DAG1: variants seen among roughly 807,000 people sequenced by gnomAD.
DAG1 encodes the protein dystroglycan 1 (dystrophin-associated glycoprotein 1).
In DAG1, 8 loss-of-function variants were observed where a neutral mutation model predicts 46.1. That is an observed-to-expected ratio of 0.17 (90% confidence interval 0.10 to 0.31). The LOEUF is 0.31. DAG1 is among the 10% of genes least tolerant of loss of function. DAG1 has a pLI of 1.00. For synonymous variants in DAG1, 495 were observed against 481.8 expected (o/e 1.03, Z -0.36); for missense variants, 1,003 against 1,189.9 (o/e 0.84, Z 2.31).
At chr3:49,484,691 A>G (rs570916765) in intron 1 of DAG1, among the ~76,000 whole-genome samples, 2 of 152,186 alleles carry the variant, frequency 1.3e-5, no homozygotes, top group Non-Finnish European at 2.9e-5. Context: ...GGCTGTACCC[A>G]AAGGCACAGT....
At position 49,499,958 on chromosome 3, in the gene DAG1, T is replaced by A. The variant is rs1469247174; in HGVS notation, c.-116-10461T>A. 2.0e-5 allele frequency among the ~76,000 whole-genome samples: 3 copies of A among 152,118 alleles called. No individual in the cohort carries two copies. The East Asian group carries it at 5.8e-4, about 29-fold the overall frequency. On this transcript the variant is annotated intron_variant, in intron 1 of 2. Transcript: ENST00000308775. ...TACCTTTTAGGTATTATTGATAACTTGACATTTTACTTCTTCTTCTTTTTT... is the reference window on the plus strand; with the variant it reads ...TACCTTTTAGGTATTATTGATAACTAGACATTTTACTTCTTCTTCTTTTTT...
rs2107928548 is a variant in DAG1, at chr3:49,531,292, A to G, written c.781A>G (p.Lys261Glu). 5.0e-6 allele frequency: 8 copies of G among 1,614,138 alleles called. No homozygotes were observed. The highest frequency in any genetic ancestry group is 6.8e-6 in the Non-Finnish European group (8 of 1,180,034). Residue 261 changes from lysine to glutamate, a missense_variant, in exon 3 of 3, where the codon AAG becomes GAG. This residue lies in a region of DAG1 where 52 missense variants were observed against 96.7 expected (regional missense o/e 0.54). Coordinates refer to ENST00000308775, the MANE Select transcript of DAG1 (RefSeq NM_004393.6). This position sits in a 1 kb window ranked among gnomAD's most constrained non-coding sequence, Gnocchi z 7.0. ...VVENGALLSW[K>E]LGCSLNQNSV... ...GGAGAATGGGGCCCTTCTCTCCTGGAAGCTGGGCTGCTCCCTGAACCAGAA... is the reference window on the plus strand; with the variant it reads ...GGAGAATGGGGCCCTTCTCTCCTGGGAGCTGGGCTGCTCCCTGAACCAGAA...
intron 1 of DAG1, among the ~76,000 whole-genome samples, chr3:49,508,688 C>T (rs2050679261): frequency 6.6e-6 from 1 of 151,936 alleles, no homozygotes; most frequent in East Asian, 1.9e-4. Context: ...GCGTGAGCCA[C>T]CATGCCTGGC....
In DAG1 at chr3:49,478,973, C is replaced by T. The variant is rs142775221; in HGVS notation, c.-117+8540C>T. Among the ~76,000 whole-genome samples, 681 of 151,694 alleles carry T rather than the reference C, an allele frequency of 4.5e-3. 8 individuals are homozygous for T. Among genetic ancestry groups the T allele is most frequent in the African/African-American group, 0.015 (631 of 41,368 alleles). On this transcript the variant is annotated intron_variant, in intron 1 of 2. Coordinates refer to ENST00000308775, the MANE Select transcript of DAG1 (RefSeq NM_004393.6). ...GGATTACAGGTGCCCACCATCACGC[C>T]GAGCTAAGTTTTTGTATTTTCAGTA...
In DAG1 at chr3:49,532,726, AG is replaced by A; in HGVS notation, c.2218del (p.Asp740ThrfsTer33). On this transcript the variant is annotated frameshift_variant, in exon 3 of 3. Coordinates refer to ENST00000308775, the MANE Select transcript of DAG1 (RefSeq NM_004393.6). LOFTEE classifies it high-confidence loss of function. The surrounding 1 kb of genome is among the most constrained non-coding windows in gnomAD (Gnocchi z 5.4). ...GGCGCCGCCCACAGAAGTGCCTGAC[AG>A]GGACCCTGAGAAGAGCAGTGAGGAT... ...SEAPPTEVPD[R>X]DPEKSSEDDV... The A allele has an allele frequency of 6.2e-7, 1 of 1,614,168 alleles. No homozygotes were observed. The highest frequency in any genetic ancestry group is 2.2e-5 in the East Asian group (1 of 44,888).
chr3:49,526,089 G>A (rs1325350754), intron 2 of DAG1, among the ~76,000 whole-genome samples: 5 of 152,162 alleles, frequency 3.3e-5, no homozygotes, highest in African/African-American at 1.2e-4. Flanking sequence ...GAACTCAAGT[G>A]ATCCACCCAC....
chr3:49,508,660 A>G (rs1323731520), intron 1 of DAG1, among the ~76,000 whole-genome samples: 1 of 152,058 alleles, frequency 6.6e-6, no homozygotes, highest in African/African-American at 2.4e-5. Flanking sequence ...TTGGCCTCCC[A>G]AAGTGCTAGG....
Position 49,535,434 on chromosome 3 carries a change from C to T in DAG1, c.*2235C>T, listed in dbSNP as rs2051484093. On this transcript the variant is annotated 3_prime_UTR_variant, in exon 3 of 3. Transcript: ENST00000308775. ...CAACAATGCCTTTGCAGGCAGCCTG[C>T]TCCCCTGAGCGCTGGGCTGGTGATG... is the stretch of plus-strand genomic sequence containing the variant. 2 of 152,726 alleles carry T rather than the reference C, an allele frequency of 1.3e-5. No individual in the cohort carries two copies. Among genetic ancestry groups the T allele is most frequent in the South Asian group, 4.1e-4 (2 of 4,834 alleles). 9.5% of individuals were successfully genotyped at this position (152,726 alleles called of 1,614,324 possible). A position where few individuals can be genotyped will look rare whatever the true frequency, so the allele number is the denominator to read the frequency against.
chr3:49,532,013 A>C lies in DAG1; in HGVS notation c.1502A>C (p.Asn501Thr). ...GEPNQRPELK[N>T]HIDRVDAWVG... ...CCCAACCAGCGCCCAGAGCTCAAGA[A>C]CCATATTGACAGGGTAGATGCCTGG... The change falls in exon 3 of 3, where the codon AAC becomes ACC. Residue 501 changes from asparagine to threonine, a missense_variant. Transcript: ENST00000308775. The surrounding 1 kb of genome is among the most constrained non-coding windows in gnomAD (Gnocchi z 5.4). 2 of 1,614,162 alleles carry C rather than the reference A, an allele frequency of 1.2e-6. No homozygotes were observed. The highest frequency in any genetic ancestry group is 1.7e-6 in the Non-Finnish European group (2 of 1,180,026).
chr3:49,533,363 C>T lies in DAG1; in HGVS notation c.*164C>T, dbSNP rs1170615822. Reference sequence around the variant, plus strand: ...GGACAAGCCCGCCCTCTCTGGTCCTCCCAAACCCCAAAGCAGCTGGAGAGA... The same window carrying T: ...GGACAAGCCCGCCCTCTCTGGTCCTTCCAAACCCCAAAGCAGCTGGAGAGA... On this transcript the variant is annotated 3_prime_UTR_variant, in exon 3 of 3. Transcript: ENST00000308775. 7 of 1,021,772 alleles carry T rather than the reference C, an allele frequency of 6.9e-6. No individual in the cohort carries two copies. Among genetic ancestry groups the T allele is most frequent in the Non-Finnish European group, 1.0e-5 (7 of 677,326 alleles). The allele number at this position is 1,021,772 out of a possible 1,614,324, so 63.3% of individuals were successfully genotyped here.
At chr3:49,479,936 G>GGT (rs1409790444) in intron 1 of DAG1, among the ~76,000 whole-genome samples, 26 of 140,776 alleles carry the variant, frequency 1.8e-4, no homozygotes, top group Middle Eastern at 4.3e-3. Context: ...CCCCGCGCCA[G>GGT]CCTGAATATA....
intron 1 of DAG1, among the ~76,000 whole-genome samples, chr3:49,471,308 G>T (rs2049512354): frequency 6.6e-6 from 1 of 152,204 alleles, no homozygotes; most frequent in South Asian, 2.1e-4. Flanking sequence ...TGAAGGGAAG[G>T]TGGTGTTTAT....
rs774780912 is a variant in DAG1 at position 49,531,534 on chromosome 3, C to G, written c.1023C>G (p.Thr341=). The G allele has an allele frequency of 6.2e-7, 1 of 1,610,942 alleles. No homozygotes were observed. Among genetic ancestry groups the G allele is most frequent in the South Asian group, 1.1e-5 (1 of 91,010 alleles). The change falls in exon 3 of 3, where the codon ACC becomes ACG. Residue 341 remains threonine (T), a synonymous_variant. Transcript: ENST00000308775. This position sits in a 1 kb window ranked among gnomAD's most constrained non-coding sequence, Gnocchi z 7.0. The part of the protein sequence containing the change: ...IQEPPSRIVP[T]PTSPAIAPPT... ...AGCCCCCATCCAGGATCGTGCCAAC[C>G]CCCACATCTCCAGCCATTGCTCCTC...
chr3:49,501,696 C>T (rs2050457099), intron 1 of DAG1, among the ~76,000 whole-genome samples: 1 of 151,938 alleles, frequency 6.6e-6, no homozygotes, highest in Non-Finnish European at 1.5e-5. Flanking sequence ...GCTTGTAGTC[C>T]CAGCTACTTG....
chr3:49,491,658 A>G (rs986697533), intron 1 of DAG1, among the ~76,000 whole-genome samples: 5 of 151,778 alleles, frequency 3.3e-5, no homozygotes, highest in African/African-American at 1.2e-4. Flanking sequence ...TTGTATTTTT[A>G]GTAGAGATGT....
At chr3:49,486,232 T>G (rs2050022302) in intron 1 of DAG1, among the ~76,000 whole-genome samples, 1 of 148,982 alleles carries the variant, frequency 6.7e-6, no homozygotes, top group Admixed American at 6.7e-5. Context: ...ATTTATTTAT[T>G]TTTTGAGACG....
intron 1 of DAG1, among the ~76,000 whole-genome samples, chr3:49,481,731 A>G (rs2049886255): frequency 6.6e-6 from 1 of 152,172 alleles, no homozygotes; most frequent in South Asian, 2.1e-4. Context: ...GTATTCAGGG[A>G]AACAGTAGCC....
intron 1 of DAG1, among the ~76,000 whole-genome samples, chr3:49,499,931 A>G (rs1559558160): frequency 6.6e-6 from 1 of 151,854 alleles, no homozygotes; most frequent in Non-Finnish European, 1.5e-5. Flanking sequence ...TACAAAGGTC[A>G]CTACCTTTTA....
At chr3:49,472,286 C>G (rs1216931071) in intron 1 of DAG1, among the ~76,000 whole-genome samples, 2 of 152,016 alleles carry the variant, frequency 1.3e-5, no homozygotes, top group African/African-American at 2.4e-5. Flanking sequence ...AAAGGTAGTA[C>G]AGAGGGGATG....
Sources: gnomAD v4.1 joint callset for allele counts (sites outside exome capture counted in the v4.1 genomes callset) on GRCh38, gnomAD v4.1.1 for gene constraint, gnomAD v4.1.1 regional missense constraint, Gnocchi (gnomAD v3.1) non-coding constraint, MANE v1.5 for transcripts, NCBI Gene and HGNC (gene_info 2026-07-23, HGNC 2026-07-21) for gene names.